PLCH2: variants seen among roughly 807,000 people sequenced by gnomAD.
PLCH2 encodes phospholipase C eta 2, also known as 1-phosphatidylinositol 4,5-bisphosphate phosphodiesterase eta-2.
A neutral mutation model predicts 134.7 loss-of-function variants in PLCH2; 98 were observed. That is an observed-to-expected ratio of 0.73 (90% CI 0.62 to 0.86). PLCH2 has a LOEUF of 0.86. Among genes scored for constraint, PLCH2 ranks in the 40% least tolerant of loss-of-function variants. The pLI, the probability that PLCH2 is intolerant of heterozygous loss-of-function variation, is 0.00. For synonymous variants in PLCH2, 974 were observed against 827.5 expected (o/e 1.18, Z -3.04); for missense variants, 1,994 against 1,986.6 (o/e 1.00, Z -0.07).
At position 2,497,483 on chromosome 1, in the gene PLCH2, C is replaced by T; in HGVS notation, c.2117-19C>T. On this transcript the variant is annotated intron_variant, in intron 15 of 21. Coordinates refer to ENST00000378486, the MANE Select transcript of PLCH2 (RefSeq NM_014638.4). ...GAAGGTCAGGTGCTGACCAGGGCAG[C>T]CTTGTGTCACCCTCGCAGTTGCCCT... The T allele has an allele frequency of 6.5e-6, 10 of 1,532,876 alleles. No homozygotes were observed. The highest frequency in any genetic ancestry group is 1.4e-5 in the African/African-American group (1 of 72,860). 95.0% of individuals were successfully genotyped at this position (1,532,876 alleles called of 1,614,324 possible).
chr1:2,476,111 C>T (rs1400221737), upstream of PLCH2, among the ~76,000 whole-genome samples: 13 of 152,220 alleles, frequency 8.5e-5, no homozygotes, highest in Non-Finnish European at 2.9e-5. Flanking sequence ...TCCCGTTGGT[C>T]CTGCTCTTGT....
chr1:2,445,773 G>C (rs61763910), intron 2 of PLCH2, among the ~76,000 whole-genome samples: 2 of 152,184 alleles, frequency 1.3e-5, no homozygotes, highest in Non-Finnish European at 2.9e-5. Context: ...TAATCTGCAC[G>C]GCACACACGG....
chr1:2,479,644 C>A, intron 2 of PLCH2, 90 bp from the exon 3 acceptor site: 1 of 1,378,014 alleles, frequency 7.3e-7, no homozygotes, highest in Non-Finnish European at 9.8e-7. Context: ...AAGGAGCTCC[C>A]GGCTGCTTGG....
At chr1:2,502,831 G>A in intron 21 of PLCH2, 1 of 717,164 alleles carries the variant, frequency 1.4e-6, no homozygotes, top group Non-Finnish European at 2.6e-6. Context: ...GGCAACCGGG[G>A]GCCCTGCAGG....
intron 2 of PLCH2, 73 bp downstream of exon 2, chr1:2,478,695 C>A: frequency 6.9e-7 from 1 of 1,448,864 alleles, no homozygotes; most frequent in Non-Finnish European, 9.4e-7. Flanking sequence ...CCTCCCAGGG[C>A]AGCCACTGAT....
Position 2,442,567 on chromosome 1 carries a change from C to G in PLCH2, c.115+11938C>G, listed in dbSNP as rs1266043376. Among the ~76,000 whole-genome samples, 8 of 152,234 alleles carry G rather than the reference C, an allele frequency of 5.3e-5. No homozygotes were observed. The East Asian group carries it at 1.3e-3, about 26-fold the overall frequency. ...GTGTGTGTCCTTAGTGGCCTGTGCC[C>G]CTTTCTCAGCTCTGGCGAGGACCCC... On this transcript the variant is annotated intron_variant, in intron 2 of 3. Coordinates refer to the PLCH2 transcript ENST00000609981.
At chr1:2,417,659 C>T in the PLCH2 span, among the ~76,000 whole-genome samples, 4 of 152,174 alleles carry the variant, frequency 2.6e-5, no homozygotes, top group African/African-American at 9.6e-5. Context: ...TGAGTGTGGC[C>T]AGCCGGTGAG....
rs766254411 is a variant in PLCH2, at chr1:2,489,239, G to A, written c.1268G>A (p.Cys423Tyr). The A allele has an allele frequency of 6.2e-7, 1 of 1,613,948 alleles. No individual in the cohort carries two copies. The highest frequency in any genetic ancestry group is 1.1e-5 in the South Asian group (1 of 91,090). ...YPVILSIENH[C>Y]SVIQQKKMAQ... ...GTGATCCTGTCCATCGAAAACCACT[G>A]CAGTGTCATCCAGCAGAAGAAAATG... The change falls in exon 9 of 22, where the codon TGC becomes TAC. Residue 423 changes from cysteine to tyrosine, a missense_variant. This residue lies in a region of PLCH2 where 1,094 missense variants were observed against 1,234.3 expected (regional missense o/e 0.89). Transcript: ENST00000378486.
chr1:2,497,089 G>A, intron 15 of PLCH2, 79 bp downstream of exon 15: 1 of 1,389,414 alleles, frequency 7.2e-7, no homozygotes, highest in Admixed American at 2.1e-5. Flanking sequence ...GGGCGAGCAG[G>A]GGACCCGCTG....
At chr1:2,427,711 C>T (rs572657224) in intron 1 of PLCH2, among the ~76,000 whole-genome samples, 204 of 152,236 alleles carry the variant, frequency 1.3e-3, no homozygotes, top group Non-Finnish European at 2.1e-3. Flanking sequence ...TGGGAGCTCG[C>T]GATCCAAGGG....
In PLCH2 at chr1:2,498,893, C is replaced by G; in HGVS notation, c.2434+65C>G. ...GTCTGAGGGGGGAGGGTTGGGGCTA[C>G]CTGGTGTGCCCGGGTGCCCTGCCCA... On this transcript the variant is annotated intron_variant, in intron 18 of 21. Transcript: ENST00000378486. This position sits in a 1 kb window ranked among gnomAD's most constrained non-coding sequence, Gnocchi z 5.4. 7.1e-7 allele frequency: 1 copy of G among 1,408,542 alleles called. No homozygotes were observed. The highest frequency in any genetic ancestry group is 9.9e-7 in the Non-Finnish European group (1 of 1,013,962). The allele number at this position is 1,408,542 out of a possible 1,614,324, so 87.3% of individuals were successfully genotyped here. A position where few individuals can be genotyped will look rare whatever the true frequency, so the allele number is the denominator to read the frequency against.
rs1249011897 is a variant in PLCH2 at position 2,476,754 on chromosome 1, C to T, written c.124+42C>T. On this transcript the variant is annotated intron_variant, in intron 1 of 21. Coordinates refer to ENST00000378486, the MANE Select transcript of PLCH2 (RefSeq NM_014638.4). ...GAGTGGCCTGGGCTGAGTGCTGGCCCTGGCCAGGTGACTGGTGGGTGGGGG... is the reference window on the plus strand; with the variant it reads ...GAGTGGCCTGGGCTGAGTGCTGGCCTTGGCCAGGTGACTGGTGGGTGGGGG... The T allele has an allele frequency of 2.6e-6, 4 of 1,543,738 alleles. No individual in the cohort carries two copies. The African/African-American group carries it at 4.1e-5, about 16-fold the overall frequency.
chr1:2,472,020 C>A (rs567291410), upstream of PLCH2, among the ~76,000 whole-genome samples: 2 of 152,278 alleles, frequency 1.3e-5, no homozygotes, highest in East Asian at 3.9e-4. Context: ...GCCCCACAGG[C>A]CCCGGGCACT....
At position 2,498,440 on chromosome 1, in the gene PLCH2, G is replaced by A; in HGVS notation, c.2225-83G>A. Reference sequence around the variant, plus strand: ...CAGTCTCCTATGTGGGGGCTGGGGAGGGGGCTGTTGGCAGCCATGCCCCAG... The same window carrying A: ...CAGTCTCCTATGTGGGGGCTGGGGAAGGGGCTGTTGGCAGCCATGCCCCAG... On this transcript the variant is annotated intron_variant, in intron 16 of 21. Coordinates refer to ENST00000378486, the MANE Select transcript of PLCH2 (RefSeq NM_014638.4). This position sits in a 1 kb window ranked among gnomAD's most constrained non-coding sequence, Gnocchi z 5.4. 2 of 1,472,722 alleles carry A rather than the reference G, an allele frequency of 1.4e-6. No individual in the cohort carries two copies. Among genetic ancestry groups the A allele is most frequent in the Non-Finnish European group, 1.8e-6 (2 of 1,087,176 alleles). The allele number at this position is 1,472,722 out of a possible 1,614,324, so 91.2% of individuals were successfully genotyped here.
In PLCH2 at chr1:2,470,546, C is replaced by T. The variant is rs369431716; in HGVS notation, c.43+2884C>T. The stretch of plus-strand genomic sequence containing the variant: ...TGGCAGTGGCCCGGGGTGCTCTGGC[C>T]GGGAAGAGCAGCCCCGTGCCGGGAC... On this transcript the variant is annotated intron_variant, in intron 1 of 21. Coordinates refer to the PLCH2 transcript ENST00000449969. Among the ~76,000 whole-genome samples the T allele has an allele frequency of 3.8e-3, 583 of 152,294 alleles. 6 individuals carry two copies. The highest frequency in any genetic ancestry group is 0.012 in the African/African-American group (505 of 41,568).
At position 2,460,785 on chromosome 1, in the gene PLCH2, C is replaced by A. The variant is rs534880729; in HGVS notation, c.116-17691C>A. Among the ~76,000 whole-genome samples the A allele has an allele frequency of 1.1e-4, 16 of 152,286 alleles. No individual in the cohort carries two copies. In the South Asian group the frequency reaches 3.3e-3, roughly 32 times the overall value. Reference sequence around the variant, plus strand: ...CTTTGACCAGCAGCCAGGGGCTGACCTGAGCTCAGGTTTCACCGTGACTGA... The same window carrying A: ...CTTTGACCAGCAGCCAGGGGCTGACATGAGCTCAGGTTTCACCGTGACTGA... On this transcript the variant is annotated intron_variant, in intron 2 of 3. Coordinates refer to the PLCH2 transcript ENST00000609981.
At chr1:2,425,187 G>C (rs1054047090), upstream of PLCH2, among the ~76,000 whole-genome samples, 2 of 144,620 alleles carry the variant, frequency 1.4e-5, no homozygotes, top group Non-Finnish European at 3.0e-5. Flanking sequence ...AAAAAAAGCT[G>C]AATAGTATTT....
chr1:2,486,448 G>C (rs1326407701), intron 5 of PLCH2, among the ~76,000 whole-genome samples: 6 of 152,226 alleles, frequency 3.9e-5, no homozygotes. Context: ...TGCCTGGGGT[G>C]GCCTGGGCTG....
intron 4 of PLCH2, 58 bp from the exon 5 acceptor site, chr1:2,484,390 C>A: frequency 3.8e-6 from 6 of 1,565,146 alleles, no homozygotes. Context: ...CTGAAGGACC[C>A]CTGTGCATGC....
Sources: allele counts gnomAD v4.1 joint callset (sites outside exome capture counted in the v4.1 genomes callset), GRCh38; gene constraint gnomAD v4.1.1; regional missense constraint gnomAD v4.1.1; non-coding constraint Gnocchi (gnomAD v3.1); transcripts MANE v1.5; gene names NCBI Gene and HGNC (gene_info 2026-07-23, HGNC 2026-07-21).